The following SLAMF9 variants were observed in gnomAD, a reference collection of about 807,000 sequenced individuals.
The protein encoded by SLAMF9 is SLAM family member 9.
SLAMF9 carries 25 observed loss-of-function variants against 30.4 expected under a neutral mutation model. The ratio of observed to expected loss-of-function variants is 0.82; its 90% CI spans 0.60 to 1.15. The LOEUF (loss-of-function observed/expected upper bound fraction) is 1.15. Among genes scored for constraint, SLAMF9 ranks in the 50% most tolerant of loss-of-function variants. SLAMF9 has a pLI of 0.00. For missense variants in SLAMF9, 344 were observed against 346.1 expected, an observed-to-expected ratio of 0.99 and a Z score of 0.05; for synonymous variants, 129 against 127.2, an observed-to-expected ratio of 1.01 and a Z score of -0.09.
At chr1:159,960,159 TC>T in the SLAMF9 span, among the ~76,000 whole-genome samples, 15 of 100,864 alleles carry the variant, frequency 1.5e-4, no homozygotes, top group South Asian at 2.6e-3. Context: ...ATGCTATCCC[TC>T]CCCCCTCCCC....
intron 3 of SLAMF9, 132 bp downstream of exon 3, chr1:159,952,130 G>A (rs966770622): frequency 2.8e-6 from 3 of 1,064,570 alleles, no homozygotes; most frequent in Admixed American, 2.4e-5. Flanking sequence ...TCCAATCCAG[G>A]TGTCAAGCCT....
At chr1:159,975,472 C>T in the SLAMF9 span, among the ~76,000 whole-genome samples, 1 of 152,016 alleles carries the variant, frequency 6.6e-6, no homozygotes, top group Non-Finnish European at 1.5e-5. Context: ...TGTGGCATGG[C>T]TGGAGAGGCA....
chr1:159,951,936 A>G, intron 3 of SLAMF9, 70 bp from the exon 4 acceptor site: 3 of 1,370,082 alleles, frequency 2.2e-6, no homozygotes, highest in Non-Finnish European at 3.1e-6. Flanking sequence ...GCAGACTCCT[A>G]CCCAAATTTC....
chr1:159,973,892 C>T, the SLAMF9 span: 27 of 1,612,464 alleles, frequency 1.7e-5, no homozygotes, highest in Non-Finnish European at 5.9e-6. Context: ...CACGGCTCTG[C>T]ATTGTTGCTC....
At chr1:159,956,056 CT>C (rs1296456047), upstream of SLAMF9, among the ~76,000 whole-genome samples, 2 of 152,202 alleles carry the variant, frequency 1.3e-5, no homozygotes, top group East Asian at 3.8e-4. Flanking sequence ...GCACTCCACG[CT>C]TATTGCAGCA....
the SLAMF9 span, chr1:159,973,874 G>A: frequency 6.2e-7 from 1 of 1,612,866 alleles, no homozygotes; most frequent in Non-Finnish European, 8.5e-7. Context: ...CAGTGCAGCT[G>A]TACTGGCCAC....
chr1:159,967,854 T>C, the SLAMF9 span, among the ~76,000 whole-genome samples: 5 of 152,206 alleles, frequency 3.3e-5, no homozygotes, highest in African/African-American at 1.2e-4. Flanking sequence ...TTTTATTTTA[T>C]CTTTTGTTGC....
the SLAMF9 span, among the ~76,000 whole-genome samples, chr1:159,964,800 T>G: frequency 2.6e-5 from 4 of 152,202 alleles, no homozygotes; most frequent in African/African-American, 7.2e-5. Flanking sequence ...GTTATTATTA[T>G]TGTCATCATC....
chr1:159,953,226 A>G, intron 2 of SLAMF9, 83 bp downstream of exon 2: 1 of 1,168,588 alleles, frequency 8.6e-7, no homozygotes, highest in South Asian at 1.5e-5. Context: ...CCATAACCCC[A>G]AGTCCTGAGA....
chr1:159,977,980 G>A, the SLAMF9 span, among the ~76,000 whole-genome samples: 1 of 152,172 alleles, frequency 6.6e-6, no homozygotes, highest in Non-Finnish European at 1.5e-5. Flanking sequence ...GTGGTTAGAA[G>A]TGGGACTGGT....
the SLAMF9 span, among the ~76,000 whole-genome samples, chr1:159,976,273 T>C: frequency 1.6e-4 from 25 of 152,184 alleles, 1 homozygote; most frequent in Non-Finnish European, 3.4e-4. Flanking sequence ...TGAAATATAA[T>C]GTAGCCATGA....
At chr1:159,969,224 G>A in the SLAMF9 span, among the ~76,000 whole-genome samples, 1 of 146,182 alleles carries the variant, frequency 6.8e-6, no homozygotes. Context: ...TCTAGCACTA[G>A]GGATAGCCAA....
At chr1:159,971,559 AG>A in the SLAMF9 span, among the ~76,000 whole-genome samples, 1 of 152,112 alleles carries the variant, frequency 6.6e-6, no homozygotes, top group African/African-American at 2.4e-5. Flanking sequence ...GGGTTGGAGA[AG>A]GGGGGTTAAG....
At chr1:159,963,115 C>G in the SLAMF9 span, among the ~76,000 whole-genome samples, 17 of 152,270 alleles carry the variant, frequency 1.1e-4, no homozygotes, top group African/African-American at 3.9e-4. Flanking sequence ...ACTCACAATA[C>G]CCGCTTTATA....
upstream of SLAMF9, among the ~76,000 whole-genome samples, chr1:159,957,920 G>A (rs1651962415): frequency 6.6e-6 from 1 of 152,202 alleles, no homozygotes; most frequent in Admixed American, 6.5e-5. Context: ...CAGAGATAAA[G>A]AGTTTTAATG....
chr1:159,958,495 C>T (rs1651977579), upstream of SLAMF9, among the ~76,000 whole-genome samples: 1 of 151,298 alleles, frequency 6.6e-6, no homozygotes, highest in Non-Finnish European at 1.5e-5. Flanking sequence ...GGGTCTTGCT[C>T]TATCACCCAG....
the SLAMF9 span, among the ~76,000 whole-genome samples, chr1:159,965,136 T>C: frequency 2.6e-5 from 4 of 152,244 alleles, no homozygotes; most frequent in African/African-American, 9.6e-5. Context: ...GGCACTGTTC[T>C]AGGTGTGGGA....
At chr1:159,973,254 A>C in the SLAMF9 span, 1 of 851,996 alleles carries the variant, frequency 1.2e-6, no homozygotes, top group Non-Finnish European at 1.9e-6. Context: ...AGTGGGGGCG[A>C]CACTCAGTAC....
intron 3 of SLAMF9, 134 bp from the exon 4 acceptor site, chr1:159,952,000 G>A: frequency 2.6e-6 from 2 of 766,692 alleles, no homozygotes; most frequent in Non-Finnish European, 4.2e-6. Context: ...AGTGTCTCTG[G>A]AAATATATTC....
Sources: gnomAD v4.1 joint callset for allele counts (sites outside exome capture counted in the v4.1 genomes callset) on GRCh38, gnomAD v4.1.1 for gene constraint, MANE v1.5 for transcripts, NCBI Gene and HGNC (gene_info 2026-07-23, HGNC 2026-07-21) for gene names.